Variants in CAMTA1 observed in about 807,000 individuals in gnomAD.
CAMTA1 encodes calmodulin binding transcription activator 1.
In CAMTA1, 27 loss-of-function variants were observed where a neutral mutation model predicts 170.9. That is an observed-to-expected ratio of 0.16 (90% confidence interval 0.12 to 0.22). The LOEUF is 0.22. CAMTA1 is among the 10% of genes least tolerant of loss of function. The pLI is 1.00. For missense variants in CAMTA1, 1,619 were observed against 2,217.2 expected (o/e 0.73, Z 5.42); for synonymous variants, 833 against 891.5 (o/e 0.93, Z 1.17).
intron 1 of CAMTA1, among the ~76,000 whole-genome samples, chr1:6,794,880 C>CTTTTTTTTTTTTTTTTTTTT (rs1305335139): frequency 8.5e-4 from 120 of 141,924 alleles, no homozygotes; most frequent in East Asian, 3.9e-3. Context: ...TAGATAAAGG[C>CTTTTTTTTTTTTTTTTTTTT]TTTTTTTTTG....
rs1186045554 is a variant in CAMTA1 at position 7,331,639 on chromosome 1, CT to C, written c.438+82014del. Among the ~76,000 whole-genome samples the C allele has an allele frequency of 2.0e-5, 3 of 152,304 alleles. No homozygotes were observed. The East Asian group carries it at 5.8e-4, about 29-fold the overall frequency. ...TATTATGAGCAGGGTCTAGAACCCCCTGGCCATGCTTTGAGAACCTCTGCCC... is the reference window on the plus strand; with the variant it reads ...TATTATGAGCAGGGTCTAGAACCCCCGGCCATGCTTTGAGAACCTCTGCCC... On this transcript the variant is annotated intron_variant, in intron 5 of 22. Coordinates refer to ENST00000303635, the MANE Select transcript of CAMTA1 (RefSeq NM_015215.4).
chr1:6,987,027 G>A (rs988436637), intron 3 of CAMTA1, among the ~76,000 whole-genome samples: 1 of 152,006 alleles, frequency 6.6e-6, no homozygotes, highest in African/African-American at 2.4e-5. Context: ...GCTCATTTGT[G>A]TGTCTCTGAG....
intron 7 of CAMTA1, among the ~76,000 whole-genome samples, chr1:7,647,180 G>A (rs187890366): frequency 7.2e-5 from 11 of 152,178 alleles, no homozygotes; most frequent in African/African-American, 2.2e-4. Context: ...CCTCTGTTCC[G>A]GAGGCCCTCG....
In CAMTA1 at chr1:7,636,266, G is replaced by A. The variant is rs138783038; in HGVS notation, c.511-4134G>A. 2.7e-3 allele frequency among the ~76,000 whole-genome samples: 414 copies of A among 152,292 alleles called. 2 individuals are homozygous for A. The highest frequency in any genetic ancestry group is 4.7e-3 in the Non-Finnish European group (318 of 68,034). On this transcript the variant is annotated intron_variant, in intron 6 of 22. Coordinates refer to ENST00000303635, the MANE Select transcript of CAMTA1 (RefSeq NM_015215.4). ...GATCCACTGACCACTGGATCTGTGAGCCCTTGAACTGAAGTGTTGATATGC... is the reference window on the plus strand; with the variant it reads ...GATCCACTGACCACTGGATCTGTGAACCCTTGAACTGAAGTGTTGATATGC...
At chr1:7,543,725 A>T (rs942522930) in intron 6 of CAMTA1, among the ~76,000 whole-genome samples, 3 of 152,146 alleles carry the variant, frequency 2.0e-5, no homozygotes, top group Non-Finnish European at 2.9e-5. Flanking sequence ...TTTAGAAATA[A>T]CTCCAAGAAC....
intron 6 of CAMTA1, among the ~76,000 whole-genome samples, chr1:7,543,425 C>T (rs1455778521): frequency 6.6e-6 from 1 of 152,282 alleles, no homozygotes; most frequent in East Asian, 1.9e-4. Context: ...ATAGCTTTGA[C>T]ATGAAATATC....
chr1:6,812,938 G>A (rs1476317427), intron 1 of CAMTA1, among the ~76,000 whole-genome samples: 1 of 152,104 alleles, frequency 6.6e-6, no homozygotes, highest in African/African-American at 2.4e-5. Context: ...AGCCTAAAAT[G>A]GTTTGTGCCC....
intron 6 of CAMTA1, among the ~76,000 whole-genome samples, chr1:7,506,431 A>C (rs61463726): frequency 0.17 from 14,334 of 84,442 alleles, 2,200 homozygotes; most frequent in African/African-American, 0.44. Context: ...TCATGCTCAC[A>C]CTCAAAATTC....
At chr1:6,960,044 T>G (rs1572042486) in intron 3 of CAMTA1, among the ~76,000 whole-genome samples, 1 of 152,188 alleles carries the variant, frequency 6.6e-6, no homozygotes, top group African/African-American at 2.4e-5. Flanking sequence ...CATGAGAAAT[T>G]AAATAACCAG....
chr1:6,793,524 TTTCTC>T (rs1641715525), intron 1 of CAMTA1, among the ~76,000 whole-genome samples: 1 of 152,208 alleles, frequency 6.6e-6, no homozygotes, highest in Non-Finnish European at 1.5e-5. Context: ...GTCATGACTC[TTTCTC>T]CATGTAGCCT....
chr1:6,992,701 A>G (rs1180713850), intron 3 of CAMTA1, among the ~76,000 whole-genome samples: 1 of 152,206 alleles, frequency 6.6e-6, no homozygotes, highest in African/African-American at 2.4e-5. Flanking sequence ...AAGAAAGTGA[A>G]GTGGGAAGTG....
At chr1:6,834,138 G>A (rs956751388) in intron 3 of CAMTA1, among the ~76,000 whole-genome samples, 9 of 150,544 alleles carry the variant, frequency 6.0e-5, no homozygotes, top group African/African-American at 1.5e-4. Context: ...GTCCAGCTTC[G>A]GAGTTTATTT....
At chr1:7,105,705 G>A (rs1643508565) in intron 4 of CAMTA1, among the ~76,000 whole-genome samples, 1 of 152,212 alleles carries the variant, frequency 6.6e-6, no homozygotes, top group South Asian at 2.1e-4. Flanking sequence ...CACTTTGGGA[G>A]ACTGAAGTGG....
At chr1:7,320,166 G>C (rs1214947034) in intron 5 of CAMTA1, among the ~76,000 whole-genome samples, 1 of 152,102 alleles carries the variant, frequency 6.6e-6, no homozygotes, top group Non-Finnish European at 1.5e-5. Flanking sequence ...GTGATTGTAG[G>C]CATTCTTGTC....
chr1:7,165,506 A>G (rs1558192526), intron 4 of CAMTA1, among the ~76,000 whole-genome samples: 2 of 152,032 alleles, frequency 1.3e-5, no homozygotes, highest in Non-Finnish European at 2.9e-5. Context: ...ATCTCGGCTC[A>G]CTGCAACTTC....
chr1:7,315,956 T>C (rs1469545258), intron 5 of CAMTA1, among the ~76,000 whole-genome samples: 1 of 152,194 alleles, frequency 6.6e-6, no homozygotes, highest in Admixed American at 6.5e-5. Flanking sequence ...CGGTTCCATA[T>C]GGCTGGGGAG....
chr1:7,524,805 G>T (rs1385238135), intron 6 of CAMTA1, among the ~76,000 whole-genome samples: 2 of 152,000 alleles, frequency 1.3e-5, no homozygotes, highest in African/African-American at 4.8e-5. Context: ...TGGGTAAGGG[G>T]TCCACAGCCT....
chr1:7,025,653 C>A (rs1701922628), intron 3 of CAMTA1, among the ~76,000 whole-genome samples: 1 of 152,074 alleles, frequency 6.6e-6, no homozygotes, highest in Admixed American at 6.5e-5. Flanking sequence ...TGGGGGGAGG[C>A]AAACTGCTGA....
intron 5 of CAMTA1, among the ~76,000 whole-genome samples, chr1:7,398,185 CTCTCTCTCTATATATATATA>C (rs1200894926): frequency 7.7e-4 from 36 of 46,530 alleles, no homozygotes; most frequent in African/African-American, 2.9e-3. Context: ...CTCTCTCTCT[CTCTCTCTCTATATATATATA>C]TATATATATA....
Sources: allele counts gnomAD v4.1 joint callset (sites outside exome capture counted in the v4.1 genomes callset), GRCh38; gene constraint gnomAD v4.1.1; transcripts MANE v1.5; gene names NCBI Gene and HGNC (gene_info 2026-07-23, HGNC 2026-07-21).